The following SLC27A6 variants were observed in gnomAD, a reference collection of about 807,000 sequenced individuals.
SLC27A6 encodes long-chain fatty acid transport protein 6.
A neutral mutation model predicts 63.9 loss-of-function variants in SLC27A6; 74 were observed. The ratio of observed to expected loss-of-function variants is 1.16; its 90% confidence interval spans 0.96 to 1.40. SLC27A6 has a LOEUF of 1.40. SLC27A6 is among the 40% of genes most tolerant of loss of function. The pLI is 0.00. For missense variants in SLC27A6, 794 were observed against 732.9 expected (o/e 1.08, Z -0.96); for synonymous variants, 287 against 260.8 (o/e 1.10, Z -0.97).
At chr5:129,000,812 G>A (rs569215462) in intron 4 of SLC27A6, among the ~76,000 whole-genome samples, 3 of 152,248 alleles carry the variant, frequency 2.0e-5, no homozygotes, top group Non-Finnish European at 4.4e-5. Flanking sequence ...CTTGCAGACC[G>A]TTGGAGCTAG....
At chr5:129,028,245 G>A (rs1334865803) in intron 7 of SLC27A6, 100 bp from the exon 8 acceptor site, 1 of 727,752 alleles carries the variant, frequency 1.4e-6, no homozygotes, top group Non-Finnish European at 2.4e-6. Context: ...TGGTCAGTAG[G>A]TGCTTGCACA....
At chr5:129,017,427 A>G (rs1416219727) in intron 5 of SLC27A6, among the ~76,000 whole-genome samples, 1 of 152,136 alleles carries the variant, frequency 6.6e-6, no homozygotes, top group Non-Finnish European at 1.5e-5. Context: ...CTTGTGCCTT[A>G]GCCAAGAATA....
At chr5:128,968,465 G>C (rs894428162) in intron 1 of SLC27A6, among the ~76,000 whole-genome samples, 1 of 152,110 alleles carries the variant, frequency 6.6e-6, no homozygotes, top group African/African-American at 2.4e-5. Context: ...TAACTGGTGT[G>C]AGATGGTATC....
In SLC27A6 at chr5:128,973,341, C is replaced by T. The variant is rs563221991; in HGVS notation, c.481+6723C>T. 2.0e-5 allele frequency among the ~76,000 whole-genome samples: 3 copies of T among 152,362 alleles called. No homozygotes were observed. The East Asian group carries it at 5.8e-4, about 29-fold the overall frequency. ...GGGACGTTTAAGTCTGCAGAAGTGT[C>T]TGCTGCCTTTTATTCAGCTATGCCC... is the stretch of plus-strand genomic sequence containing the variant. On this transcript the variant is annotated intron_variant, in intron 1 of 9. Transcript: ENST00000262462.
intron 4 of SLC27A6, among the ~76,000 whole-genome samples, chr5:128,991,147 TGATA>T (rs908475397): frequency 1.7e-4 from 26 of 152,306 alleles, no homozygotes; most frequent in African/African-American, 6.3e-4. Flanking sequence ...TGCTCTCAGG[TGATA>T]GATGATTGAC....
chr5:129,014,385 C>G (rs146621204), intron 4 of SLC27A6, among the ~76,000 whole-genome samples: 1 of 152,252 alleles, frequency 6.6e-6, no homozygotes, highest in African/African-American at 2.4e-5. Context: ...ATGGCAGTGT[C>G]TTATGGGAGC....
At chr5:129,008,818 G>A (rs940432038) in intron 4 of SLC27A6, among the ~76,000 whole-genome samples, 3 of 151,470 alleles carry the variant, frequency 2.0e-5, no homozygotes, top group African/African-American at 7.3e-5. Flanking sequence ...ACAAGTGAGA[G>A]CGTTTCACAT....
intron 1 of SLC27A6, among the ~76,000 whole-genome samples, chr5:128,968,682 G>A (rs1203502065): frequency 6.6e-6 from 1 of 152,162 alleles, no homozygotes; most frequent in Non-Finnish European, 1.5e-5. Flanking sequence ...CAGATGGGTA[G>A]ATTGTAAAAA....
intron 8 of SLC27A6, 31 bp from the exon 9 acceptor site, chr5:129,029,545 TA>T (rs1561635094): frequency 6.7e-7 from 1 of 1,485,518 alleles, no homozygotes. Flanking sequence ...ATTTGGTACT[TA>T]AAAATGACTC....
At chr5:129,009,098 C>G (rs1287513673) in intron 4 of SLC27A6, among the ~76,000 whole-genome samples, 1 of 152,086 alleles carries the variant, frequency 6.6e-6, no homozygotes, top group Admixed American at 6.5e-5. Flanking sequence ...TACTCCTGAC[C>G]TCAGGTCATC....
chr5:128,998,200 C>A (rs1452281476), intron 4 of SLC27A6, among the ~76,000 whole-genome samples: 3 of 151,300 alleles, frequency 2.0e-5, no homozygotes, highest in Non-Finnish European at 4.4e-5. Context: ...GCTGAGGTGG[C>A]AGGATCATTT....
chr5:128,977,809 A>G lies in SLC27A6; in HGVS notation c.482-7324A>G, dbSNP rs370294096. Among the ~76,000 whole-genome samples the G allele has an allele frequency of 1.1e-4, 16 of 152,368 alleles. No homozygotes were observed. The East Asian group carries it at 3.1e-3, about 29-fold the overall frequency. Reference sequence around the variant, plus strand: ...AGTATTCTTATTTATCATCAGCAGCATTATAATTATGACTAAACATGCCAA... The same window carrying G: ...AGTATTCTTATTTATCATCAGCAGCGTTATAATTATGACTAAACATGCCAA... On this transcript the variant is annotated intron_variant, in intron 1 of 9. Transcript: ENST00000262462.
At chr5:129,018,876 T>C (rs1196093976) in intron 5 of SLC27A6, among the ~76,000 whole-genome samples, 2 of 152,142 alleles carry the variant, frequency 1.3e-5, no homozygotes, top group Non-Finnish European at 2.9e-5. Flanking sequence ...AAAAACAAAG[T>C]TGTGCCTAAT....
At chr5:129,025,248 T>G (rs1322948917) in intron 6 of SLC27A6, among the ~76,000 whole-genome samples, 1 of 152,100 alleles carries the variant, frequency 6.6e-6, no homozygotes, top group Non-Finnish European at 1.5e-5. Context: ...ACAGGAAAGA[T>G]ATGAATACAC....
intron 1 of SLC27A6, among the ~76,000 whole-genome samples, chr5:128,979,606 T>G: frequency 6.6e-6 from 1 of 152,244 alleles, no homozygotes; most frequent in Non-Finnish European, 1.5e-5. Flanking sequence ...CAACATGCCT[T>G]CTTGTGCCAT....
At chr5:129,004,554 T>G (rs1209140387) in intron 4 of SLC27A6, among the ~76,000 whole-genome samples, 1 of 152,214 alleles carries the variant, frequency 6.6e-6, no homozygotes, top group East Asian at 1.9e-4. Context: ...GCTCATTATG[T>G]TTATGCATGT....
At position 128,985,327 on chromosome 5, in the gene SLC27A6, G is replaced by T. The variant is rs746574815; in HGVS notation, c.676G>T (p.Gly226Ter). Residue 226 changes from glycine to a stop codon, truncating the protein, a stop_gained, in exon 2 of 10, where the codon GGA becomes TGA. Transcript: ENST00000262462. LOFTEE classifies it high-confidence loss of function. ...TACTTGTCTTTACATTTTTACCTCT[G>T]GAACAACAGGTATGATCCAATTCTT... The part of the protein sequence containing the change: ...KSTCLYIFTS[G>*]TTGLPKAAVI... 1 of 1,613,598 alleles carries T rather than the reference G, an allele frequency of 6.2e-7. No homozygotes were observed. Among genetic ancestry groups the T allele is most frequent in the Non-Finnish European group, 8.5e-7 (1 of 1,179,618 alleles).
intron 7 of SLC27A6, among the ~76,000 whole-genome samples, chr5:129,027,653 A>C (rs1752288723): frequency 6.6e-6 from 1 of 152,214 alleles, no homozygotes; most frequent in South Asian, 2.1e-4. Context: ...ACTGTAGTCT[A>C]ATTCTTGGCC....
At chr5:128,991,572 A>G (rs1185726745) in intron 4 of SLC27A6, among the ~76,000 whole-genome samples, 3 of 152,270 alleles carry the variant, frequency 2.0e-5, no homozygotes, top group African/African-American at 7.2e-5. Context: ...TGTTTACAGA[A>G]AGCAATTATT....
Sources: allele counts gnomAD v4.1 joint callset (sites outside exome capture counted in the v4.1 genomes callset), GRCh38; gene constraint gnomAD v4.1.1; transcripts MANE v1.5; gene names NCBI Gene and HGNC (gene_info 2026-07-23, HGNC 2026-07-21).